Variants in GABBR2 observed in about 807,000 individuals in gnomAD.
GABBR2 encodes the protein G-protein coupled receptor 51.
A neutral mutation model predicts 105.6 loss-of-function variants in GABBR2; 23 were observed. The observed-to-expected ratio is 0.22, with a 90% CI of 0.16 to 0.31. The LOEUF (loss-of-function observed/expected upper bound fraction) is 0.31. Among genes scored for constraint, GABBR2 ranks in the 10% least tolerant of loss-of-function variants. GABBR2 has a pLI of 1.00. For synonymous variants in GABBR2, 478 were observed against 499.7 expected (o/e 0.96, Z 0.58); for missense variants, 734 against 1,245.5 (o/e 0.59, Z 6.18).
At chr9:98,312,067 A>G (rs1451635241) in intron 13 of GABBR2, among the ~76,000 whole-genome samples, 1 of 152,234 alleles carries the variant, frequency 6.6e-6, no homozygotes, top group African/African-American at 2.4e-5. Context: ...CCTAGCATAT[A>G]TTTCCTAAGA....
chr9:98,453,880 A>T lies in GABBR2; in HGVS notation c.1236+101T>A, dbSNP rs984022682. The T allele has an allele frequency of 1.5e-5, 12 of 819,190 alleles. No individual in the cohort carries two copies. The African/African-American group carries it at 2.0e-4, about 14-fold the overall frequency. 50.7% of individuals were successfully genotyped at this position (819,190 alleles called of 1,614,324 possible). On this transcript the variant is annotated intron_variant, in intron 7 of 18. Coordinates refer to ENST00000259455, the MANE Select transcript of GABBR2 (RefSeq NM_005458.8). Reference sequence around the variant, plus strand: ...TGCAATTAGTTATTTCAATGATCAGAGATAACAGATCACATAACAGAAAGC... The same window carrying T: ...TGCAATTAGTTATTTCAATGATCAGTGATAACAGATCACATAACAGAAAGC...
chr9:98,375,491 C>T (rs1831856480), intron 11 of GABBR2, among the ~76,000 whole-genome samples: 1 of 152,188 alleles, frequency 6.6e-6, no homozygotes, highest in Non-Finnish European at 1.5e-5. Context: ...CTGCTTTGCC[C>T]ACCTTTAAAT....
rs532507050 is a variant in GABBR2 at position 98,451,744 on chromosome 9, G to A, written c.1236+2237C>T. 2.6e-5 allele frequency among the ~76,000 whole-genome samples: 4 copies of A among 152,276 alleles called. No homozygotes were observed. The South Asian group carries it at 6.2e-4, about 24-fold the overall frequency. On this transcript the variant is annotated intron_variant, in intron 7 of 18. Coordinates refer to ENST00000259455, the MANE Select transcript of GABBR2 (RefSeq NM_005458.8). ...AGATAAAGGCCAGTCTCCTTAGCAT[G>A]TCCCTCCAGAAATGGACCCCAACTT...
At chr9:98,603,773 C>G (rs1391536644) in intron 1 of GABBR2, among the ~76,000 whole-genome samples, 1 of 152,168 alleles carries the variant, frequency 6.6e-6, no homozygotes, top group East Asian at 1.9e-4. Context: ...ACAGACCTTC[C>G]AGGGTAGCAC....
chr9:98,436,551 C>T (rs185680704), intron 7 of GABBR2, among the ~76,000 whole-genome samples: 1 of 150,184 alleles, frequency 6.7e-6, no homozygotes, highest in African/African-American at 2.5e-5. Flanking sequence ...GAAGATAACA[C>T]AAAGATTAGA....
At chr9:98,654,320 G>A (rs1303071286) in intron 1 of GABBR2, among the ~76,000 whole-genome samples, 1 of 152,142 alleles carries the variant, frequency 6.6e-6, no homozygotes, top group African/African-American at 2.4e-5. Context: ...GCCCATCTCG[G>A]CCCCAGCATG....
chr9:98,478,277 C>T (rs547765528), intron 5 of GABBR2, among the ~76,000 whole-genome samples: 1 of 152,038 alleles, frequency 6.6e-6, no homozygotes, highest in Non-Finnish European at 1.5e-5. Context: ...GATCGGAAGG[C>T]TCTCTTGGGG....
intron 1 of GABBR2, among the ~76,000 whole-genome samples, chr9:98,663,486 C>T (rs1830294061): frequency 6.6e-6 from 1 of 151,796 alleles, no homozygotes; most frequent in Admixed American, 6.6e-5. Flanking sequence ...GCGGCAAGGT[C>T]AGAATAGCAG....
chr9:98,624,419 A>T (rs1829707149), intron 1 of GABBR2, among the ~76,000 whole-genome samples: 1 of 152,156 alleles, frequency 6.6e-6, no homozygotes, highest in African/African-American at 2.4e-5. Flanking sequence ...AGGTGGATAT[A>T]TTTTGGCCAG....
chr9:98,365,911 C>G (rs1194811588), intron 12 of GABBR2, among the ~76,000 whole-genome samples: 1 of 152,226 alleles, frequency 6.6e-6, no homozygotes, highest in Non-Finnish European at 1.5e-5. Context: ...TGACTTCCTT[C>G]CTTCTCTTAA....
intron 1 of GABBR2, among the ~76,000 whole-genome samples, chr9:98,610,755 C>T (rs1363624580): frequency 6.6e-6 from 1 of 151,738 alleles, no homozygotes; most frequent in Non-Finnish European, 1.5e-5. Context: ...ACCTTGATTT[C>T]AGACTTCTGG....
intron 1 of GABBR2, among the ~76,000 whole-genome samples, chr9:98,699,550 A>G (rs1830800934): frequency 6.6e-6 from 1 of 152,158 alleles, no homozygotes; most frequent in African/African-American, 2.4e-5. Context: ...TGTTCGATAA[A>G]TATTTATTGA....
intron 6 of GABBR2, among the ~76,000 whole-genome samples, chr9:98,464,876 G>C (rs1465823529): frequency 3.3e-5 from 5 of 151,976 alleles, no homozygotes; most frequent in Admixed American, 1.3e-4. Context: ...AATGGATTAA[G>C]GGCGGTGCAA....
chr9:98,578,648 T>C (rs1180559229), intron 1 of GABBR2, among the ~76,000 whole-genome samples: 1 of 152,090 alleles, frequency 6.6e-6, no homozygotes, highest in Non-Finnish European at 1.5e-5. Context: ...CTTGAAGAGA[T>C]AGTTGTACAC....
At chr9:98,481,286 G>A (rs377390984) in intron 4 of GABBR2, among the ~76,000 whole-genome samples, 4 of 152,316 alleles carry the variant, frequency 2.6e-5, no homozygotes, top group African/African-American at 9.6e-5. Context: ...GCTCTCAGGG[G>A]CCTTGCAACC....
chr9:98,638,263 A>T (rs559537233), intron 1 of GABBR2, among the ~76,000 whole-genome samples: 1 of 152,370 alleles, frequency 6.6e-6, no homozygotes, highest in African/African-American at 2.4e-5. Flanking sequence ...TTCCTAAGAA[A>T]TGCCTATGGT....
intron 14 of GABBR2, among the ~76,000 whole-genome samples, chr9:98,310,163 G>T (rs1362391658): frequency 6.6e-6 from 1 of 152,152 alleles, no homozygotes; most frequent in Non-Finnish European, 1.5e-5. Flanking sequence ...AAGATTCAAG[G>T]ATCAACCTGG....
chr9:98,295,820 A>C (rs1372532514), intron 17 of GABBR2, among the ~76,000 whole-genome samples: 2 of 152,176 alleles, frequency 1.3e-5, no homozygotes, highest in African/African-American at 4.8e-5. Context: ...CACTGTGCTC[A>C]GCCTAAATAA....
At chr9:98,413,590 C>A (rs1005415031) in intron 7 of GABBR2, among the ~76,000 whole-genome samples, 1 of 152,154 alleles carries the variant, frequency 6.6e-6, no homozygotes, top group Non-Finnish European at 1.5e-5. Context: ...GAGCCTAGAG[C>A]AGTAGGTTTG....
Sources: allele counts gnomAD v4.1 joint callset (sites outside exome capture counted in the v4.1 genomes callset), GRCh38; gene constraint gnomAD v4.1.1; transcripts MANE v1.5; gene names NCBI Gene and HGNC (gene_info 2026-07-23, HGNC 2026-07-21).